SANBR: variants seen among roughly 807,000 people sequenced by gnomAD.
SANBR encodes the protein SANT and BTB domain regulator of CSR.
In SANBR, 77 loss-of-function variants were observed where a neutral mutation model predicts 101.8. The observed-to-expected ratio is 0.76, with a 90% CI of 0.63 to 0.91. SANBR has a LOEUF of 0.91. Among genes scored for constraint, SANBR ranks in the 40% least tolerant of loss-of-function variants. The pLI is 0.00. For missense variants in SANBR, 875 were observed against 853.0 expected, an observed-to-expected ratio of 1.03 and a Z score of -0.32; for synonymous variants, 279 against 274.7, an observed-to-expected ratio of 1.02 and a Z score of -0.15.
chr2:61,073,379 A>G (rs1681584624), intron 4 of SANBR, 79 bp from the exon 5 acceptor site: 1 of 614,238 alleles, frequency 1.6e-6, no homozygotes, highest in Admixed American at 3.1e-5. Flanking sequence ...TTACCATTCA[A>G]TAAATAAAAA....
rs1684423596 is a variant in SANBR, at chr2:61,123,694, T to C, written c.*1532T>C. 1.0e-6 allele frequency: 1 copy of C among 985,310 alleles called. No homozygotes were observed. Among genetic ancestry groups the C allele is most frequent in the Non-Finnish European group, 1.2e-6 (1 of 829,658 alleles). The allele number at this position is 985,310 out of a possible 1,614,324, so 61.0% of individuals were successfully genotyped here. ...TAAGGAAAAAATATATATGCTCTTTTGATTTTTAACTGATGGTAAAAAGGC... is the reference window on the plus strand; with the variant it reads ...TAAGGAAAAAATATATATGCTCTTTCGATTTTTAACTGATGGTAAAAAGGC... On this transcript the variant is annotated 3_prime_UTR_variant, in exon 22 of 22. Coordinates refer to ENST00000402291, the MANE Select transcript of SANBR (RefSeq NM_001129993.3).
chr2:61,092,223 A>G (rs564596604), intron 10 of SANBR, among the ~76,000 whole-genome samples: 26 of 152,302 alleles, frequency 1.7e-4, no homozygotes, highest in Non-Finnish European at 3.8e-4. Context: ...TGCCTCTACT[A>G]AAAATACAAA....
At chr2:61,083,393 C>CTTTCTTT (rs993366327) in intron 8 of SANBR, 79 bp downstream of exon 8, 1 of 961,624 alleles carries the variant, frequency 1.0e-6, no homozygotes, top group East Asian at 2.6e-5. Flanking sequence ...GTGAAATATT[C>CTTTCTTT]TTTCTTTTTT....
intron 16 of SANBR, among the ~76,000 whole-genome samples, chr2:61,110,223 G>A (rs1442754112): frequency 2.0e-5 from 3 of 152,026 alleles, no homozygotes; most frequent in Non-Finnish European, 4.4e-5. Flanking sequence ...TTATTGCAGA[G>A]TGGTATTCCA....
At chr2:61,105,698 AGTCTC>A (rs1455174543) in intron 13 of SANBR, among the ~76,000 whole-genome samples, 3 of 129,562 alleles carry the variant, frequency 2.3e-5, no homozygotes, top group African/African-American at 8.9e-5. Flanking sequence ...TTTGAGATGG[AGTCTC>A]GCTCTGTCAC....
intron 11 of SANBR, chr2:61,093,262 AT>A (rs1682865279): frequency 6.6e-6 from 1 of 151,956 alleles, no homozygotes; most frequent in African/African-American, 2.4e-5. Context: ...TTTTATTTCC[AT>A]TCCTGAAACA....
At chr2:61,120,086 C>T (rs546153397) in intron 20 of SANBR, among the ~76,000 whole-genome samples, 1 of 152,194 alleles carries the variant, frequency 6.6e-6, no homozygotes, top group Non-Finnish European at 1.5e-5. Flanking sequence ...TTCTTATAGA[C>T]ATTCCCTCAC....
At chr2:61,075,688 G>A (rs1015105584) in intron 5 of SANBR, among the ~76,000 whole-genome samples, 1 of 151,960 alleles carries the variant, frequency 6.6e-6, no homozygotes, top group Non-Finnish European at 1.5e-5. Context: ...TCTTAGGAAT[G>A]CTTTTAACTA....
At position 61,090,261 on chromosome 2, in the gene SANBR, T is replaced by G. The variant is rs918714205; in HGVS notation, c.1088+1793T>G. Reference sequence around the variant, plus strand: ...TGATAGTATTACAGATGATTTTAATTTTCTTTTTGTTGTTCTTTTTTCTAT... The same window carrying G: ...TGATAGTATTACAGATGATTTTAATGTTCTTTTTGTTGTTCTTTTTTCTAT... On this transcript the variant is annotated intron_variant, in intron 10 of 21. Transcript: ENST00000402291. 3.9e-5 allele frequency among the ~76,000 whole-genome samples: 6 copies of G among 152,282 alleles called. No homozygotes were observed. The South Asian group carries it at 6.2e-4, about 16-fold the overall frequency.
At chr2:61,072,949 C>A (rs1318470299) in intron 4 of SANBR, among the ~76,000 whole-genome samples, 3 of 150,938 alleles carry the variant, frequency 2.0e-5, no homozygotes, top group South Asian at 2.1e-4. Context: ...GCCGCAGCCT[C>A]CTGAGCAGCT....
chr2:61,125,420 C>G (rs369644905), downstream of SANBR, among the ~76,000 whole-genome samples: 1 of 152,208 alleles, frequency 6.6e-6, no homozygotes, highest in Non-Finnish European at 1.5e-5. Context: ...TTGAAACTTA[C>G]AAGCAAATCA....
At chr2:61,106,410 A>C (rs1220730330) in intron 13 of SANBR, among the ~76,000 whole-genome samples, 153 bp from the exon 14 acceptor site, 4 of 151,714 alleles carry the variant, frequency 2.6e-5, no homozygotes, top group African/African-American at 9.7e-5. Context: ...AAAAAAAAAA[A>C]AAAAGGAAAT....
At chr2:61,110,372 T>A (rs899987053) in intron 16 of SANBR, among the ~76,000 whole-genome samples, 1 of 144,136 alleles carries the variant, frequency 6.9e-6, no homozygotes, top group African/African-American at 2.6e-5. Flanking sequence ...GGTGAAACCC[T>A]GTTGCTTCTA....
Position 61,074,508 on chromosome 2 carries a change from A to C in SANBR, c.431+957A>C, listed in dbSNP as rs1268838190. 2.0e-5 allele frequency among the ~76,000 whole-genome samples: 3 copies of C among 152,208 alleles called. No individual in the cohort carries two copies. The South Asian group carries it at 6.2e-4, about 31-fold the overall frequency. ...TCTGCAACTTCTGCCTCCTAGGCTC[A>C]GGCAATTCTCATGCCTCAGCCACCT... is the stretch of plus-strand genomic sequence containing the variant. On this transcript the variant is annotated intron_variant, in intron 5 of 21. Coordinates refer to ENST00000402291, the MANE Select transcript of SANBR (RefSeq NM_001129993.3).
rs1573649271 is a variant in SANBR at position 61,109,156 on chromosome 2, A to C, written c.1645-41A>C. 3.0e-6 allele frequency: 3 copies of C among 1,015,138 alleles called. No individual in the cohort carries two copies. In the East Asian group the frequency reaches 8.2e-5, roughly 28 times the overall value. 62.9% of individuals were successfully genotyped at this position (1,015,138 alleles called of 1,614,324 possible). ...TATGTTTGAAAGAATTCAATAAAAA[A>C]TCATAATATTACATTTATAATAGAT... On this transcript the variant is annotated intron_variant, in intron 15 of 21. Coordinates refer to ENST00000402291, the MANE Select transcript of SANBR (RefSeq NM_001129993.3).
At chr2:61,108,107 T>C (rs1683660477) in intron 14 of SANBR, among the ~76,000 whole-genome samples, 1 of 152,194 alleles carries the variant, frequency 6.6e-6, no homozygotes, top group South Asian at 2.1e-4. Flanking sequence ...GGAAAGTGTC[T>C]TTCTTTTAGA....
At chr2:61,103,610 C>G (rs914287922) in intron 12 of SANBR, among the ~76,000 whole-genome samples, 1 of 152,094 alleles carries the variant, frequency 6.6e-6, no homozygotes, top group African/African-American at 2.4e-5. Flanking sequence ...TGTGGGCACT[C>G]CTGGAGTGCT....
chr2:61,131,659 G>A lies in SANBR; in HGVS notation c.2029-2478G>A, dbSNP rs190856879. Among the ~76,000 whole-genome samples the A allele has an allele frequency of 5.9e-5, 9 of 152,316 alleles. No homozygotes were observed. The East Asian group carries it at 1.7e-3, about 29-fold the overall frequency. ...GTCTCTAGCAGAGAGACTTGTGAGA[G>A]ACTCTCTTCCTTGTAGAAATTAACA... On this transcript the variant is annotated intron_variant, in intron 20 of 21. Transcript: ENST00000295031.
chr2:61,091,549 C>G (rs562095158), intron 10 of SANBR, among the ~76,000 whole-genome samples: 4 of 150,250 alleles, frequency 2.7e-5, no homozygotes, highest in African/African-American at 9.8e-5. Flanking sequence ...GAGCCAGGAT[C>G]GCGCCACTTC....
Sources: gnomAD v4.1 joint callset for allele counts (sites outside exome capture counted in the v4.1 genomes callset) on GRCh38, gnomAD v4.1.1 for gene constraint, MANE v1.5 for transcripts, NCBI Gene and HGNC (gene_info 2026-07-23, HGNC 2026-07-21) for gene names.